Variants in SPOCK3 observed in about 807,000 individuals in gnomAD.
SPOCK3 encodes the protein SPARC (osteonectin), cwcv and kazal like domains proteoglycan 3.
SPOCK3 carries 30 observed loss-of-function variants against 56.6 expected under a neutral mutation model. The ratio of observed to expected loss-of-function variants is 0.53; its 90% CI spans 0.40 to 0.72. The LOEUF is 0.72. Among genes scored for constraint, SPOCK3 ranks in the 30% least tolerant of loss-of-function variants. SPOCK3 has a pLI of 0.00. For synonymous variants in SPOCK3, 196 were observed against 183.3 expected, an observed-to-expected ratio of 1.07 and a Z score of -0.56; for missense variants, 527 against 530.0, an observed-to-expected ratio of 0.99 and a Z score of 0.06.
intron 6 of SPOCK3, among the ~76,000 whole-genome samples, chr4:166,876,105 C>T (rs554304519): frequency 1.3e-5 from 2 of 152,242 alleles, no homozygotes; most frequent in East Asian, 3.9e-4. Context: ...TGGAAGAAGG[C>T]ATTATCTTTA....
intron 4 of SPOCK3, among the ~76,000 whole-genome samples, chr4:166,998,946 G>T (rs1748672792): frequency 1.3e-5 from 2 of 151,966 alleles, no homozygotes; most frequent in African/African-American, 4.8e-5. Context: ...AAGAAATTTA[G>T]AATCCTAAGG....
intron 6 of SPOCK3, among the ~76,000 whole-genome samples, chr4:166,840,906 G>C (rs1467743362): frequency 1.3e-5 from 2 of 148,778 alleles, no homozygotes; most frequent in Non-Finnish European, 3.0e-5. Flanking sequence ...AGCCTCCCGA[G>C]TAGCTGGTAC....
chr4:166,998,606 G>A (rs1748632756), intron 4 of SPOCK3, among the ~76,000 whole-genome samples: 1 of 152,114 alleles, frequency 6.6e-6, no homozygotes, highest in African/African-American at 2.4e-5. Context: ...GTGTCAAAAC[G>A]AGTGTGTCTC....
intron 6 of SPOCK3, among the ~76,000 whole-genome samples, chr4:166,879,577 C>G (rs1436037059): frequency 1.3e-5 from 2 of 152,082 alleles, no homozygotes; most frequent in African/African-American, 4.8e-5. Flanking sequence ...GGCAAATTAC[C>G]TTGCATATAG....
chr4:166,927,430 T>G (rs1210585745), intron 4 of SPOCK3, among the ~76,000 whole-genome samples: 1 of 152,192 alleles, frequency 6.6e-6, no homozygotes, highest in Non-Finnish European at 1.5e-5. Context: ...CTTTCACCTT[T>G]CGCCATGATT....
At chr4:167,177,432 G>A (rs569238204) in intron 2 of SPOCK3, among the ~76,000 whole-genome samples, 144 of 152,100 alleles carry the variant, frequency 9.5e-4, no homozygotes, top group Non-Finnish European at 1.7e-3. Context: ...CAAAGGGAAC[G>A]CCTATAGTTC....
At chr4:167,172,644 T>C (rs1029802220) in intron 2 of SPOCK3, among the ~76,000 whole-genome samples, 5 of 152,190 alleles carry the variant, frequency 3.3e-5, no homozygotes, top group Admixed American at 6.5e-5. Context: ...TATACTCAAG[T>C]TATATCTAGG....
intron 3 of SPOCK3, among the ~76,000 whole-genome samples, chr4:167,057,343 TA>T (rs1755014846): frequency 6.6e-6 from 1 of 152,118 alleles, no homozygotes. Context: ...TGCCAAATTG[TA>T]AAGACCATCG....
chr4:167,036,816 C>T (rs1304533481), intron 3 of SPOCK3, among the ~76,000 whole-genome samples: 1 of 151,596 alleles, frequency 6.6e-6, no homozygotes, highest in Non-Finnish European at 1.5e-5. Flanking sequence ...ATTTAGATGG[C>T]TTAGCTGTAT....
At chr4:166,915,454 G>T (rs942865885) in intron 4 of SPOCK3, among the ~76,000 whole-genome samples, 1 of 152,126 alleles carries the variant, frequency 6.6e-6, no homozygotes, top group African/African-American at 2.4e-5. Context: ...AGTAGATGAA[G>T]ATGTAACATT....
intron 6 of SPOCK3, among the ~76,000 whole-genome samples, chr4:166,822,994 A>G (rs1745084894): frequency 6.6e-6 from 1 of 152,046 alleles, no homozygotes; most frequent in Non-Finnish European, 1.5e-5. Flanking sequence ...AAAAATACAT[A>G]CTTAGGAAGC....
At chr4:166,939,390 A>G (rs1740802767) in intron 4 of SPOCK3, among the ~76,000 whole-genome samples, 1 of 152,180 alleles carries the variant, frequency 6.6e-6, no homozygotes, top group Non-Finnish European at 1.5e-5. Flanking sequence ...TTCAGCATAA[A>G]TAAAATAATA....
chr4:166,963,985 T>C (rs115078432), intron 4 of SPOCK3, among the ~76,000 whole-genome samples: 1,870 of 151,890 alleles, frequency 0.012, 18 homozygotes, highest in Non-Finnish European at 0.019. Context: ...ACTCTTCCTA[T>C]CTGTTTTCAT....
At chr4:167,207,360 T>C (rs993734795) in intron 2 of SPOCK3, among the ~76,000 whole-genome samples, 1 of 151,978 alleles carries the variant, frequency 6.6e-6, no homozygotes, top group Non-Finnish European at 1.5e-5. Context: ...GAAAGATTTA[T>C]TTTAGAAAGA....
intron 2 of SPOCK3, among the ~76,000 whole-genome samples, chr4:167,106,275 A>T (rs1760136382): frequency 6.6e-6 from 1 of 151,964 alleles, no homozygotes; most frequent in South Asian, 2.1e-4. Context: ...ATGAAATAAT[A>T]TCAAACATCT....
chr4:166,930,032 G>C (rs1042418349), intron 4 of SPOCK3, among the ~76,000 whole-genome samples: 2 of 152,010 alleles, frequency 1.3e-5, no homozygotes, highest in African/African-American at 4.8e-5. Context: ...ATGATGTAGA[G>C]TCATTTTGTT....
intron 5 of SPOCK3, among the ~76,000 whole-genome samples, chr4:166,891,736 G>A (rs780172133): frequency 6.6e-6 from 1 of 151,916 alleles, no homozygotes; most frequent in Non-Finnish European, 1.5e-5. Flanking sequence ...ATTCTGCACT[G>A]TATCTTCTGT....
intron 2 of SPOCK3, among the ~76,000 whole-genome samples, chr4:167,157,223 T>C (rs1309377035): frequency 2.0e-5 from 3 of 152,084 alleles, no homozygotes; most frequent in Non-Finnish European, 4.4e-5. Context: ...AGCTATTATA[T>C]TTTTGAGAAC....
intron 4 of SPOCK3, among the ~76,000 whole-genome samples, chr4:166,956,927 T>A (rs1743560948): frequency 6.6e-6 from 1 of 152,128 alleles, no homozygotes; most frequent in Admixed American, 6.6e-5. Context: ...GCATCCCAAC[T>A]CTTCCCTTGC....
Sources: allele counts gnomAD v4.1 joint callset (sites outside exome capture counted in the v4.1 genomes callset), GRCh38; gene constraint gnomAD v4.1.1; transcripts MANE v1.5; gene names NCBI Gene and HGNC (gene_info 2026-07-23, HGNC 2026-07-21).